The following IL17A variants were observed in gnomAD, a reference collection of about 807,000 sequenced individuals.
The protein encoded by IL17A is interleukin-17A.
Under a neutral mutation model 7.2 loss-of-function variants are expected in IL17A, and 1 was observed. That is an observed-to-expected ratio of 0.14 (90% CI 0.05 to 0.66). IL17A has a LOEUF of 0.66. Among genes scored for constraint, IL17A ranks in the 30% least tolerant of loss-of-function variants. The probability of loss-of-function intolerance (pLI) is 0.84; values close to 1 mark genes in which losing one functional copy is unlikely to be tolerated. For synonymous variants in IL17A, 90 were observed against 77.7 expected (o/e 1.16, Z -0.83); for missense variants, 191 against 197.1 (o/e 0.97, Z 0.18).
At position 52,186,380 on chromosome 6, in the gene IL17A, T is replaced by C; in HGVS notation, c.-52T>C. On this transcript the variant is annotated 5_prime_UTR_variant, in exon 1 of 3. Coordinates refer to ENST00000648244, the MANE Select transcript of IL17A (RefSeq NM_002190.3). The stretch of plus-strand genomic sequence containing the variant: ...AGACGATAGCGCTACATTTTGTCCA[T>C]CTCATAGCAGGCACAAACTCATCCA... 3.8e-6 allele frequency: 6 copies of C among 1,595,564 alleles called. No homozygotes were observed. The highest frequency in any genetic ancestry group is 5.2e-6 in the Non-Finnish European group (6 of 1,163,344).
intron 2 of IL17A, 112 bp downstream of exon 2, chr6:52,187,917 C>A (rs770325245): frequency 3.3e-6 from 3 of 898,340 alleles, no homozygotes; most frequent in Non-Finnish European, 5.3e-6. Flanking sequence ...ACCAGTCAAA[C>A]CTGGAAGGAC....
At position 52,190,288 on chromosome 6, in the gene IL17A, G is replaced by C. The variant is rs986512432; in HGVS notation, c.*996G>C. ...AATAAGATAATGGCCCTGAGGAATG[G>C]CATGTCATTATTAAAGATCATATGG... On this transcript the variant is annotated 3_prime_UTR_variant, in exon 3 of 3. Coordinates refer to ENST00000648244, the MANE Select transcript of IL17A (RefSeq NM_002190.3). 6.6e-6 allele frequency: 1 copy of C among 152,168 alleles called. No individual in the cohort carries two copies. The highest frequency in any genetic ancestry group is 1.5e-5 in the Non-Finnish European group (1 of 68,038). The allele number at this position is 152,168 out of a possible 1,614,324, so 9.4% of individuals were successfully genotyped here.
At chr6:52,188,735 T>C (rs1254352219) in intron 2 of IL17A, among the ~76,000 whole-genome samples, 1 of 152,200 alleles carries the variant, frequency 6.6e-6, no homozygotes, top group Non-Finnish European at 1.5e-5. Context: ...TTCTTCTGTC[T>C]GTCAAATGTA....
At position 52,190,199 on chromosome 6, in the gene IL17A, C is replaced by A. The variant is rs1006305952; in HGVS notation, c.*907C>A. The A allele has an allele frequency of 9.2e-5, 14 of 152,114 alleles. No individual in the cohort carries two copies. Among genetic ancestry groups the A allele is most frequent in the African/African-American group, 3.4e-4 (14 of 41,394 alleles). 9.4% of individuals were successfully genotyped at this position (152,114 alleles called of 1,614,324 possible). A position where few individuals can be genotyped will look rare whatever the true frequency, so the allele number is the denominator to read the frequency against. On this transcript the variant is annotated 3_prime_UTR_variant, in exon 3 of 3. Transcript: ENST00000648244. The stretch of plus-strand genomic sequence containing the variant: ...TTCACATGCCTTCAAGACTGAACAC[C>A]GACTAAGGTTTTCATACTATTAGCC...
At position 52,187,595 on chromosome 6, in the gene IL17A, A is replaced by T. The variant is rs1215219978; in HGVS notation, c.28-8A>T. 1.9e-6 allele frequency: 3 copies of T among 1,611,062 alleles called. No individual in the cohort carries two copies. On this transcript the variant is annotated splice_region_variant and splice_polypyrimidine_tract_variant and intron_variant, in intron 1 of 2. Transcript: ENST00000648244. ...CCAACCTCTCTCTCCTTTCCCATTC[A>T]ATTCTAGTCACTGCTACTGCTGCTG... is the stretch of plus-strand genomic sequence containing the variant.
chr6:52,188,873 G>A (rs555648584), intron 2 of IL17A, among the ~76,000 whole-genome samples, 182 bp from the exon 3 acceptor site: 23 of 148,778 alleles, frequency 1.5e-4, no homozygotes, highest in Admixed American at 5.4e-4. Context: ...AACAATTCAC[G>A]TGCTTGAAAA....
intron 1 of IL17A, 83 bp downstream of exon 1, chr6:52,186,541 C>G (rs1372312543): frequency 7.6e-6 from 10 of 1,315,378 alleles, no homozygotes; most frequent in Non-Finnish European, 9.8e-6. Context: ...ACGCTGGGTT[C>G]TGACTATGGA....
chr6:52,187,546 A>C, intron 1 of IL17A, 57 bp from the exon 2 acceptor site: 1 of 1,370,738 alleles, frequency 7.3e-7, no homozygotes, highest in Non-Finnish European at 1.0e-6. Flanking sequence ...ATTTGTCAAA[A>C]AGAACCACAT....
rs530942399 is a variant in IL17A, at chr6:52,190,094, G to T, written c.*802G>T. The T allele has an allele frequency of 6.6e-6, 1 of 152,278 alleles. No individual in the cohort carries two copies. Among genetic ancestry groups the T allele is most frequent in the East Asian group, 1.9e-4 (1 of 5,182 alleles). 9.4% of individuals were successfully genotyped at this position (152,278 alleles called of 1,614,324 possible). On this transcript the variant is annotated 3_prime_UTR_variant, in exon 3 of 3. Transcript: ENST00000648244. ...GCTCTTCCCTATTGGGAAGAGTTAT[G>T]CAAATTCTCCTATAAGCAAAACAAA...
chr6:52,189,242 G>T lies in IL17A; in HGVS notation c.418G>T (p.Val140Leu). 1 of 1,614,100 alleles carries T rather than the reference G, an allele frequency of 6.2e-7. No homozygotes were observed. The highest frequency in any genetic ancestry group is 8.5e-7 in the Non-Finnish European group (1 of 1,179,998). ...CTCCTTCCGGCTGGAGAAGATACTG[G>T]TGTCCGTGGGCTGCACCTGTGTCAC... ...PNSFRLEKIL[V>L]SVGCTCVTPI... Residue 140 changes from valine to leucine, a missense_variant, in exon 3 of 3, where the codon GTG becomes TTG. Physicochemically the swap from Val to Leu is conservative, Grantham distance 32. Coordinates refer to ENST00000648244, the MANE Select transcript of IL17A (RefSeq NM_002190.3).
Position 52,189,048 on chromosome 6 carries a change from T to G in IL17A, c.231-7T>G, listed in dbSNP as rs867265721. On this transcript the variant is annotated splice_region_variant and splice_polypyrimidine_tract_variant and intron_variant, in intron 2 of 2. Transcript: ENST00000648244. The stretch of plus-strand genomic sequence containing the variant: ...CACTTTCCTCCTGATTTTTCTCCCC[T>G]CTGCAGCCGCAATGAGGACCCTGAG... 1 of 1,603,276 alleles carries G rather than the reference T, an allele frequency of 6.2e-7. No individual in the cohort carries two copies. Among genetic ancestry groups the G allele is most frequent in the Middle Eastern group, 1.7e-4 (1 of 6,024 alleles).
intron 1 of IL17A, among the ~76,000 whole-genome samples, chr6:52,186,763 A>G (rs1763291865): frequency 6.6e-6 from 1 of 152,234 alleles, no homozygotes; most frequent in African/African-American, 2.4e-5. Context: ...TTTTCTGAGT[A>G]CAAAGGATTT....
At position 52,189,463 on chromosome 6, in the gene IL17A, A is replaced by G. The variant is rs115651024; in HGVS notation, c.*171A>G. The G allele has an allele frequency of 5.4e-6, 3 of 552,742 alleles. No individual in the cohort carries two copies. In the African/African-American group the frequency reaches 5.7e-5, roughly 10 times the overall value. The allele number at this position is 552,742 out of a possible 1,614,324, so 34.2% of individuals were successfully genotyped here. The stretch of plus-strand genomic sequence containing the variant: ...AGAGGTAACACTTGGCCAAGATATG[A>G]GATCTGAATTACCTTTCCCTCTTTC... On this transcript the variant is annotated 3_prime_UTR_variant, in exon 3 of 3. Transcript: ENST00000648244.
intron 1 of IL17A, among the ~76,000 whole-genome samples, chr6:52,187,058 A>G (rs1050068642): frequency 9.8e-5 from 15 of 152,332 alleles, no homozygotes; most frequent in African/African-American, 3.6e-4. Context: ...GAAAACATGA[A>G]GGAGATCGAG....
rs1202580154 is a variant in IL17A at position 52,190,512 on chromosome 6, C to A, written c.*1220C>A. 6.6e-6 allele frequency: 1 copy of A among 152,166 alleles called. No individual in the cohort carries two copies. Among genetic ancestry groups the A allele is most frequent in the East Asian group, 1.9e-4 (1 of 5,190 alleles). The allele number at this position is 152,166 out of a possible 1,614,324, so 9.4% of individuals were successfully genotyped here. A position where few individuals can be genotyped will look rare whatever the true frequency, so the allele number is the denominator to read the frequency against. On this transcript the variant is annotated 3_prime_UTR_variant, in exon 3 of 3. Coordinates refer to ENST00000648244, the MANE Select transcript of IL17A (RefSeq NM_002190.3). ...CTGTCTGATCAAGGCACCACACAAC[C>A]CAGAAAGGAGCTGATGGGGCAGAAC...
chr6:52,188,906 GTTCTTCTTCAAACTAACA>G, intron 2 of IL17A, 131 bp from the exon 3 acceptor site: 1 of 539,956 alleles, frequency 1.9e-6, no homozygotes, highest in Non-Finnish European at 3.2e-6. Context: ...TGTCCCCAAA[GTTCTTCTTCAAACTAACA>G]TCATTTAAAG....
intron 1 of IL17A, 62 bp downstream of exon 1, chr6:52,186,520 G>A (rs577513673): frequency 3.5e-5 from 53 of 1,526,932 alleles, no homozygotes; most frequent in East Asian, 2.5e-4. Flanking sequence ...TTTCTGGACC[G>A]TGGGCATGAA....
In IL17A at chr6:52,187,672, T is replaced by C; in HGVS notation, c.97T>C (p.Cys33Arg). The C allele has an allele frequency of 6.2e-7, 1 of 1,614,118 alleles. No homozygotes were observed. Among genetic ancestry groups the C allele is most frequent in the South Asian group, 1.1e-5 (1 of 91,074 alleles). ...AATCACAATCCCACGAAATCCAGGA[T>C]GCCCAAATTCTGAGGACAAGAACTT... ...AGITIPRNPG[C>R]PNSEDKNFPR... Residue 33 changes from cysteine (C) to arginine (R), a missense_variant, in exon 2 of 3, where the codon TGC becomes CGC. By Grantham distance (180) the Cys-to-Arg change is radical. Coordinates refer to ENST00000648244, the MANE Select transcript of IL17A (RefSeq NM_002190.3).
rs537570480 is a variant in IL17A at position 52,189,301 on chromosome 6, G to C, written c.*9G>C. On this transcript the variant is annotated 3_prime_UTR_variant, in exon 3 of 3. Transcript: ENST00000648244. ...TCCACCATGTGGCCTAAGAGCTCTGGGGAGCCCACACTCCCCAAAGCAGTT... is the reference window on the plus strand; with the variant it reads ...TCCACCATGTGGCCTAAGAGCTCTGCGGAGCCCACACTCCCCAAAGCAGTT... 1 of 1,608,544 alleles carries C rather than the reference G, an allele frequency of 6.2e-7. No individual in the cohort carries two copies. Among genetic ancestry groups the C allele is most frequent in the South Asian group, 1.1e-5 (1 of 90,958 alleles).
Sources: gnomAD v4.1 joint callset for allele counts (sites outside exome capture counted in the v4.1 genomes callset) on GRCh38, gnomAD v4.1.1 for gene constraint, MANE v1.5 for transcripts, NCBI Gene and HGNC (gene_info 2026-07-23, HGNC 2026-07-21) for gene names.